NEBL: variants seen among roughly 807,000 people sequenced by gnomAD.
NEBL encodes LIM and SH3 protein 2.
In NEBL, 122 loss-of-function variants were observed where a neutral mutation model predicts 140.2. That is an observed-to-expected ratio of 0.87 (90% CI 0.75 to 1.01). The LOEUF is 1.01. Among genes scored for constraint, NEBL ranks in the 50% least tolerant of loss-of-function variants. The probability of loss-of-function intolerance (pLI) is 0.00; values close to 1 mark genes in which losing one functional copy is unlikely to be tolerated. For synonymous variants in NEBL, 436 were observed against 398.9 expected (o/e 1.09, Z -1.11); for missense variants, 1,365 against 1,231.3 (o/e 1.11, Z -1.62).
intron 7 of NEBL, among the ~76,000 whole-genome samples, chr10:20,862,131 C>A (rs147943936): frequency 1.3e-5 from 2 of 152,138 alleles, no homozygotes; most frequent in African/African-American, 4.8e-5. Flanking sequence ...ATCACTTCCA[C>A]GCCATGGTAA....
rs143167286 is a variant in NEBL at position 20,931,569 on chromosome 10, T to C, written c.357+30103A>G. On this transcript the variant is annotated intron_variant, in intron 4 of 6. Transcript: ENST00000417816. ...GTCCTTTTGCGCCATGGCTGTGGCCTGGAAAAAGTCCAGGCCTCCTGGGGG... is the reference window on the plus strand; with the variant it reads ...GTCCTTTTGCGCCATGGCTGTGGCCCGGAAAAAGTCCAGGCCTCCTGGGGG... Among the ~76,000 whole-genome samples, 1,285 of 152,230 alleles carry C rather than the reference T, an allele frequency of 8.4e-3. 21 individuals carry two copies. The highest frequency in any genetic ancestry group is 0.029 in the African/African-American group (1,205 of 41,550).
intron 4 of NEBL, among the ~76,000 whole-genome samples, chr10:20,961,246 T>A (rs1836037681): frequency 6.6e-6 from 1 of 152,178 alleles, no homozygotes; most frequent in Non-Finnish European, 1.5e-5. Flanking sequence ...AAGTAAGATG[T>A]AATACCTGAT....
intron 3 of NEBL, among the ~76,000 whole-genome samples, chr10:21,002,165 T>G (rs894885524): frequency 3.3e-4 from 46 of 140,910 alleles, no homozygotes; most frequent in Non-Finnish European, 6.3e-4. Flanking sequence ...GGAGGGAGGG[T>G]TTTTTTTTTT....
At chr10:20,856,874 G>A (rs1299588451) in intron 9 of NEBL, among the ~76,000 whole-genome samples, 1 of 151,884 alleles carries the variant, frequency 6.6e-6, no homozygotes, top group Admixed American at 6.6e-5. Context: ...TCTCACTCTT[G>A]CCTAGGCTGG....
At chr10:20,886,131 T>C (rs1036865729) in intron 4 of NEBL, among the ~76,000 whole-genome samples, 7 of 152,148 alleles carry the variant, frequency 4.6e-5, no homozygotes, top group African/African-American at 1.7e-4. Flanking sequence ...ATGGCACACG[T>C]TTACCTATGT....
At chr10:20,803,104 C>A (rs1349240587) in intron 26 of NEBL, among the ~76,000 whole-genome samples, 1 of 152,172 alleles carries the variant, frequency 6.6e-6, no homozygotes, top group East Asian at 1.9e-4. Flanking sequence ...AAGCAGGCAA[C>A]CAAATATTAA....
At chr10:21,055,479 C>A (rs1438669583) in intron 2 of NEBL, among the ~76,000 whole-genome samples, 1 of 152,120 alleles carries the variant, frequency 6.6e-6, no homozygotes, top group Non-Finnish European at 1.5e-5. Flanking sequence ...ACCAAATGAT[C>A]GTGTGACATA....
chr10:20,988,126 G>T (rs1291441163), intron 3 of NEBL, among the ~76,000 whole-genome samples: 3 of 152,068 alleles, frequency 2.0e-5, no homozygotes, highest in Admixed American at 1.3e-4. Flanking sequence ...CCCCAATTCT[G>T]GTAAAATCCA....
intron 3 of NEBL, among the ~76,000 whole-genome samples, chr10:21,016,193 C>T (rs1300598692): frequency 6.6e-6 from 1 of 152,246 alleles, no homozygotes; most frequent in African/African-American, 2.4e-5. Flanking sequence ...CTCTTGACTG[C>T]CAAGGTCCAG....
chr10:20,991,324 T>A (rs980119194), intron 3 of NEBL, among the ~76,000 whole-genome samples: 1 of 152,086 alleles, frequency 6.6e-6, no homozygotes, highest in African/African-American at 2.4e-5. Context: ...TATAAATAGG[T>A]GGTTCTAAAG....
chr10:21,112,749 A>C (rs908902816), intron 2 of NEBL: 3 of 159,350 alleles, frequency 1.9e-5, no homozygotes, highest in Non-Finnish European at 4.1e-5. Flanking sequence ...AATAAAAAAA[A>C]AAAAAGAAAA....
At chr10:21,025,549 C>T (rs1023668144) in intron 2 of NEBL, among the ~76,000 whole-genome samples, 7 of 152,278 alleles carry the variant, frequency 4.6e-5, no homozygotes, top group South Asian at 2.1e-4. Context: ...CACTAGACCT[C>T]GTCAGAGCTC....
At chr10:21,144,533 C>T (rs2132108685) in intron 2 of NEBL, among the ~76,000 whole-genome samples, 1 of 152,254 alleles carries the variant, frequency 6.6e-6, no homozygotes, top group African/African-American at 2.4e-5. Flanking sequence ...CAAGACCAGC[C>T]TGGCCAACCT....
intron 21 of NEBL, among the ~76,000 whole-genome samples, chr10:20,816,666 T>C (rs2130810225): frequency 6.6e-6 from 1 of 152,318 alleles, no homozygotes; most frequent in Non-Finnish European, 1.5e-5. Context: ...ATTTCCAAGT[T>C]TCCTCTTCCA....
chr10:21,227,550 G>T (rs1213599024), intron 3 of NEBL, among the ~76,000 whole-genome samples: 1 of 152,238 alleles, frequency 6.6e-6, no homozygotes, highest in African/African-American at 2.4e-5. Context: ...CTCTCTGGCT[G>T]TAAGCCAGTT....
At chr10:20,932,930 C>T (rs779691780) in intron 4 of NEBL, among the ~76,000 whole-genome samples, 3 of 152,176 alleles carry the variant, frequency 2.0e-5, no homozygotes, top group Non-Finnish European at 4.4e-5. Context: ...GATTTGAATA[C>T]TTGCATAAAT....
chr10:20,879,028 T>C (rs1351895404), intron 5 of NEBL, among the ~76,000 whole-genome samples: 3 of 152,214 alleles, frequency 2.0e-5, no homozygotes, highest in Non-Finnish European at 4.4e-5. Flanking sequence ...GCCTTTTGTG[T>C]GAATTTCGTC....
At chr10:20,823,150 G>A in intron 19 of NEBL, 58 bp downstream of exon 19, 1 of 1,266,146 alleles carries the variant, frequency 7.9e-7, no homozygotes, top group Non-Finnish European at 1.1e-6. Flanking sequence ...GTTTTATGCT[G>A]TCATTACGTG....
In NEBL at chr10:20,845,337, A is replaced by C. The variant is rs201553643; in HGVS notation, c.1148T>G (p.Ile383Ser). 1 of 1,603,660 alleles carries C rather than the reference A, an allele frequency of 6.2e-7. No homozygotes were observed. Residue 383 changes from isoleucine (I) to serine (S), a missense_variant, in exon 12 of 28, where the codon ATT becomes AGT. Around this residue, in one of 2 missense-constraint regions of NEBL, gnomAD observed 1,323 missense variants for 1,154.8 expected, o/e 1.15. Coordinates refer to ENST00000377122, the MANE Select transcript of NEBL (RefSeq NM_006393.3). The part of the protein sequence containing the change: ...KVYKEDFEKE[I>S]KGRSSLDLDK... ...TAAATCCAGTGATGACCTTCCTTTA[A>C]TCTCCTTCTCAAAATCCTCTTTGTA...
Sources: gnomAD v4.1 joint callset for allele counts (sites outside exome capture counted in the v4.1 genomes callset) on GRCh38, gnomAD v4.1.1 for gene constraint, gnomAD v4.1.1 regional missense constraint, MANE v1.5 for transcripts, NCBI Gene and HGNC (gene_info 2026-07-23, HGNC 2026-07-21) for gene names.